The following ROBO2 variants were observed in gnomAD, a reference collection of about 807,000 sequenced individuals.
ROBO2 encodes the protein roundabout homolog 2.
In ROBO2, 53 loss-of-function variants were observed where a neutral mutation model predicts 160.8. The observed-to-expected ratio is 0.33, with a 90% CI of 0.26 to 0.41. The LOEUF is 0.41. Ranked by LOEUF, ROBO2 falls within the 10% of genes least tolerant of loss-of-function variation. The pLI, the probability that ROBO2 is intolerant of heterozygous loss-of-function variation, is 1.00. For missense variants in ROBO2, 1,577 were observed against 1,722.4 expected (o/e 0.92, Z 1.49); for synonymous variants, 664 against 611.7 (o/e 1.09, Z -1.26).
chr3:77,237,982 C>G (rs894554824), intron 2 of ROBO2, among the ~76,000 whole-genome samples: 1 of 152,086 alleles, frequency 6.6e-6, no homozygotes, highest in Non-Finnish European at 1.5e-5. Context: ...ATTTACCTGA[C>G]GACATATGAT....
At chr3:76,248,994 T>A (rs913925993) in intron 2 of ROBO2, among the ~76,000 whole-genome samples, 2 of 152,122 alleles carry the variant, frequency 1.3e-5, no homozygotes, top group Admixed American at 1.3e-4. Flanking sequence ...AAGACACACA[T>A]GTATTTCGTG....
chr3:76,461,066 G>A (rs992141473), intron 2 of ROBO2, among the ~76,000 whole-genome samples: 6 of 152,208 alleles, frequency 3.9e-5, no homozygotes, highest in Admixed American at 1.3e-4. Flanking sequence ...ATAAAGAAAA[G>A]AGGTTTAACT....
intron 1 of ROBO2, among the ~76,000 whole-genome samples, chr3:77,068,795 C>T (rs1225476075): frequency 6.6e-6 from 1 of 151,990 alleles, no homozygotes; most frequent in East Asian, 1.9e-4. Flanking sequence ...TGTTTCTAGG[C>T]TTCATTAAAT....
chr3:77,242,893 G>C (rs557048071), intron 2 of ROBO2, among the ~76,000 whole-genome samples: 30 of 150,886 alleles, frequency 2.0e-4, no homozygotes, highest in African/African-American at 6.8e-4. Context: ...TATCTTCCCT[G>C]GTTTACATGA....
chr3:76,381,758 T>C (rs958691123), intron 2 of ROBO2, among the ~76,000 whole-genome samples: 1 of 152,164 alleles, frequency 6.6e-6, no homozygotes, highest in Non-Finnish European at 1.5e-5. Context: ...ATAAGGCATG[T>C]GCTTTTATTA....
chr3:76,553,134 T>C (rs1031393118), intron 2 of ROBO2, among the ~76,000 whole-genome samples: 13 of 152,278 alleles, frequency 8.5e-5, no homozygotes, highest in East Asian at 7.7e-4. Context: ...GATTAAAATA[T>C]AGATTTGGGA....
chr3:77,171,668 T>C (rs568021697), intron 2 of ROBO2, among the ~76,000 whole-genome samples: 5 of 152,318 alleles, frequency 3.3e-5, no homozygotes, highest in African/African-American at 7.2e-5. Flanking sequence ...AATGAGAGAC[T>C]CAATTCCATA....
intron 2 of ROBO2, among the ~76,000 whole-genome samples, chr3:76,556,619 A>G (rs1203689982): frequency 6.6e-6 from 1 of 152,140 alleles, no homozygotes; most frequent in African/African-American, 2.4e-5. Context: ...TTGTGAATTT[A>G]TTCATTTCTA....
chr3:77,305,085 A>G (rs777997718), intron 2 of ROBO2, among the ~76,000 whole-genome samples: 6 of 152,206 alleles, frequency 3.9e-5, no homozygotes, highest in Non-Finnish European at 5.9e-5. Flanking sequence ...GTTGGCCTCA[A>G]TGAGTTAATT....
intron 2 of ROBO2, among the ~76,000 whole-genome samples, chr3:77,189,976 A>T (rs1277033306): frequency 5.3e-5 from 8 of 151,966 alleles, no homozygotes; most frequent in Non-Finnish European, 7.4e-5. Context: ...ACTAAATTCA[A>T]TTGGCTTAGG....
chr3:77,040,040 T>G (rs2063930221), exon 1 of ROBO2: 1 of 761,782 alleles, frequency 1.3e-6, no homozygotes, highest in Admixed American at 6.3e-5. Context: ...AGCCTCGGCC[T>G]CCGCCCGGCC....
chr3:76,049,224 T>C (rs915593474), intron 2 of ROBO2, among the ~76,000 whole-genome samples: 2 of 151,360 alleles, frequency 1.3e-5, no homozygotes, highest in African/African-American at 4.9e-5. Context: ...TTCTGTTTTT[T>C]TGAGACAGGG....
At chr3:77,227,690 G>T (rs2086651569) in intron 2 of ROBO2, among the ~76,000 whole-genome samples, 1 of 152,224 alleles carries the variant, frequency 6.6e-6, no homozygotes, top group African/African-American at 2.4e-5. Context: ...TGATGGGTTT[G>T]ACTGACAGGT....
intron 2 of ROBO2, among the ~76,000 whole-genome samples, chr3:77,001,908 T>G (rs2061353597): frequency 1.3e-5 from 2 of 152,138 alleles, no homozygotes; most frequent in Admixed American, 6.6e-5. Context: ...TTTATGTGTT[T>G]CCTCACTATT....
intron 2 of ROBO2, among the ~76,000 whole-genome samples, chr3:76,650,586 T>A (rs946040740): frequency 1.3e-5 from 2 of 152,128 alleles, no homozygotes; most frequent in East Asian, 1.9e-4. Context: ...CAGGTGAAAG[T>A]TCTTGACAGT....
At chr3:76,044,685 A>C (rs905681363) in intron 2 of ROBO2, among the ~76,000 whole-genome samples, 1 of 152,034 alleles carries the variant, frequency 6.6e-6, no homozygotes, top group Non-Finnish European at 1.5e-5. Flanking sequence ...AAGCATATTG[A>C]AGGTGACAGA....
At chr3:77,624,084 G>A (rs909853536) in intron 23 of ROBO2, among the ~76,000 whole-genome samples, 3 of 152,036 alleles carry the variant, frequency 2.0e-5, no homozygotes, top group African/African-American at 7.2e-5. Context: ...TTTTCTCCTT[G>A]AATTCACTGC....
intron 6 of ROBO2, among the ~76,000 whole-genome samples, chr3:77,543,165 C>G (rs554659809): frequency 6.6e-6 from 1 of 151,502 alleles, no homozygotes; most frequent in Admixed American, 6.6e-5. Context: ...CTTTTTTTTT[C>G]TCACAACATG....
intron 1 of ROBO2, among the ~76,000 whole-genome samples, chr3:77,044,278 T>A (rs1053541608): frequency 6.6e-6 from 1 of 152,164 alleles, no homozygotes; most frequent in Non-Finnish European, 1.5e-5. Flanking sequence ...GTAAGCACAT[T>A]GTATAAGTTG....
Sources: gnomAD v4.1 joint callset for allele counts (sites outside exome capture counted in the v4.1 genomes callset) on GRCh38, gnomAD v4.1.1 for gene constraint, MANE v1.5 for transcripts, NCBI Gene and HGNC (gene_info 2026-07-23, HGNC 2026-07-21) for gene names.